NHS: variants seen among roughly 807,000 people sequenced by gnomAD.
NHS encodes actin remodeling regulator NHS.
Under a neutral mutation model 72.5 loss-of-function variants are expected in NHS, and 5 were observed. That is an observed-to-expected ratio of 0.07 (90% CI 0.04 to 0.14). NHS has a LOEUF of 0.14. Among genes scored for constraint, NHS ranks in the 10% least tolerant of loss-of-function variants. The probability of loss-of-function intolerance (pLI) is 1.00; values close to 1 mark genes in which losing one functional copy is unlikely to be tolerated. For missense variants in NHS, 1,072 were observed against 1,355.7 expected (o/e 0.79, Z 3.29); for synonymous variants, 464 against 547.7 (o/e 0.85, Z 2.13).
At chrX:17,398,822 T>G (rs1031294207) in intron 1 of NHS, among the ~76,000 whole-genome samples, 1 of 111,860 alleles carries the variant, frequency 8.9e-6, no homozygotes, top group Non-Finnish European at 1.9e-5. Context: ...TCAAAGCAAA[T>G]CACGAGACCA....
intron 1 of NHS, among the ~76,000 whole-genome samples, chrX:17,499,648 A>G (rs1221399395): frequency 9.0e-6 from 1 of 111,070 alleles, no homozygotes; most frequent in African/African-American, 3.3e-5. Flanking sequence ...GGGGCACAGG[A>G]CACTGCTGAG....
intron 3 of NHS, among the ~76,000 whole-genome samples, chrX:17,695,941 AAG>A (rs201942215): frequency 6.6e-4 from 63 of 95,105 alleles, no homozygotes; most frequent in African/African-American, 2.7e-3. Flanking sequence ...AAAAAAAAAA[AAG>A]GGGGGGGGTA....
intron 2 of NHS, among the ~76,000 whole-genome samples, chrX:17,692,096 C>T (rs2066199273): frequency 9.0e-6 from 1 of 111,646 alleles, no homozygotes; most frequent in East Asian, 2.8e-4. Flanking sequence ...AGAAGTGAGC[C>T]CTCTTGTACA....
chrX:17,568,093 C>G (rs968626560), intron 1 of NHS, among the ~76,000 whole-genome samples: 5 of 111,818 alleles, frequency 4.5e-5, no homozygotes, highest in African/African-American at 1.6e-4. Context: ...TAAATTCAAC[C>G]TTTCCATGGT....
intron 1 of NHS, among the ~76,000 whole-genome samples, chrX:17,549,444 G>C (rs1241086369): frequency 9.0e-6 from 1 of 111,239 alleles, no homozygotes; most frequent in Non-Finnish European, 1.9e-5. Flanking sequence ...ATGAAAAAGA[G>C]ACAAGCTGTC....
In NHS at chrX:17,619,661, A is replaced by G. The variant is rs759925445; in HGVS notation, c.566-68081A>G. On this transcript the variant is annotated intron_variant, in intron 1 of 8. Transcript: ENST00000676302. The stretch of plus-strand genomic sequence containing the variant: ...ATCTGGGGCAGATGCAACTGTGGAC[A>G]GTTTCTTGTAGTAAAAACTGATCAT... Among the ~76,000 whole-genome samples, 43 of 112,413 alleles carry G rather than the reference A, an allele frequency of 3.8e-4. 1 individual carries two copies. The highest frequency in any genetic ancestry group is 1.3e-3 in the African/African-American group (41 of 30,797).
chrX:17,461,552 G>A (rs962677554), intron 1 of NHS, among the ~76,000 whole-genome samples: 2 of 112,866 alleles, frequency 1.8e-5, no homozygotes, highest in African/African-American at 6.4e-5. Flanking sequence ...TCTTGGGCTG[G>A]CCACAGAAGC....
At chrX:17,730,434 G>A (rs1413249410) in intron 8 of NHS, among the ~76,000 whole-genome samples, 1 of 112,291 alleles carries the variant, frequency 8.9e-6, no homozygotes. Flanking sequence ...TTGTTAGTTT[G>A]AAAGCCCTAA....
At position 17,725,423 on chromosome X, in the gene NHS, T is replaced by C. The variant is rs2066434521; in HGVS notation, c.1317T>C (p.Asn439=). The C allele has an allele frequency of 7.4e-6, 9 of 1,210,509 alleles. No homozygotes were observed. The highest frequency in any genetic ancestry group is 1.0e-5 in the Non-Finnish European group (9 of 894,758). The part of the protein sequence containing the change: ...HTNPDPSNTV[N]RISGTRDSEC... ...ACCCAGACCCCTCCAACACTGTCAA[T>C]AGGATATCCGGAACCAGGGACTCTG... The change falls in exon 7 of 9, where the codon AAT becomes AAC. Residue 439 remains asparagine (N), a synonymous_variant. Coordinates refer to ENST00000676302, the MANE Select transcript of NHS (RefSeq NM_001291867.2).
At chrX:17,697,862 A>C (rs2066240211) in intron 3 of NHS, among the ~76,000 whole-genome samples, 1 of 109,942 alleles carries the variant, frequency 9.1e-6, no homozygotes, top group Non-Finnish European at 1.9e-5. Context: ...CAGATAGTAA[A>C]GGCTTGAATA....
At chrX:17,635,179 G>C (rs981077403) in intron 1 of NHS, 1 of 473,136 alleles carries the variant, frequency 2.1e-6, no homozygotes, top group Non-Finnish European at 2.8e-6. Context: ...ACTGCAATTG[G>C]AGTAGCAAGG....
intron 1 of NHS, among the ~76,000 whole-genome samples, chrX:17,567,474 C>T (rs1464306487): frequency 6.3e-5 from 7 of 111,791 alleles, no homozygotes; most frequent in East Asian, 2.8e-4. Context: ...CGGGGTTATG[C>T]GCTGTCTCAT....
At chrX:17,653,892 G>C (rs1221779536) in intron 1 of NHS, among the ~76,000 whole-genome samples, 1 of 111,653 alleles carries the variant, frequency 9.0e-6, no homozygotes, top group East Asian at 2.8e-4. Context: ...GTCTGGGAAG[G>C]CCTGAGAAGG....
Position 17,617,702 on chromosome X carries a change from C to T in NHS, c.566-70040C>T, listed in dbSNP as rs73445833. Among the ~76,000 whole-genome samples, 482 of 112,143 alleles carry T rather than the reference C, an allele frequency of 4.3e-3. 4 individuals are homozygous for T. The highest frequency in any genetic ancestry group is 0.015 in the African/African-American group (453 of 30,876). ...TGATTTCCCCAGAATGCTGCTAGGGCGAGGCATGGGGCCCTGTGGCTGGCT... is the reference window on the plus strand; with the variant it reads ...TGATTTCCCCAGAATGCTGCTAGGGTGAGGCATGGGGCCCTGTGGCTGGCT... On this transcript the variant is annotated intron_variant, in intron 1 of 8. Coordinates refer to ENST00000676302, the MANE Select transcript of NHS (RefSeq NM_001291867.2).
chrX:17,587,371 C>T (rs772403244), intron 1 of NHS, among the ~76,000 whole-genome samples: 4 of 112,249 alleles, frequency 3.6e-5, no homozygotes, highest in African/African-American at 6.5e-5. Flanking sequence ...TTCAGTCCAG[C>T]GAAGATGCGT....
chrX:17,425,467 A>G (rs2064648725), intron 1 of NHS, among the ~76,000 whole-genome samples: 2 of 95,602 alleles, frequency 2.1e-5, no homozygotes, highest in African/African-American at 7.6e-5. Context: ...AAGAAAGCAC[A>G]GGCTAAGAAC....
At chrX:17,597,132 T>G (rs1040316495) in intron 1 of NHS, among the ~76,000 whole-genome samples, 42 of 102,629 alleles carry the variant, frequency 4.1e-4, no homozygotes, top group Non-Finnish European at 5.8e-4. Context: ...TTTTTTTTTT[T>G]TTTTTGATAC....
chrX:17,508,051 G>A (rs770208940), intron 1 of NHS, among the ~76,000 whole-genome samples: 13 of 111,283 alleles, frequency 1.2e-4, no homozygotes, highest in Admixed American at 1.9e-4. Context: ...TCATTGAGGC[G>A]AAATTTGCAT....
intron 1 of NHS, among the ~76,000 whole-genome samples, chrX:17,397,556 C>T (rs1164849412): frequency 9.0e-6 from 1 of 110,933 alleles, no homozygotes; most frequent in African/African-American, 3.3e-5. Flanking sequence ...TTGCTTTTCA[C>T]GATGTAGTAA....
Sources: gnomAD v4.1 joint callset for allele counts (sites outside exome capture counted in the v4.1 genomes callset) on GRCh38, gnomAD v4.1.1 for gene constraint, MANE v1.5 for transcripts, NCBI Gene and HGNC (gene_info 2026-07-23, HGNC 2026-07-21) for gene names.